Variants in PRIM2 observed in about 807,000 individuals in gnomAD.
PRIM2 encodes DNA primase subunit 2.
PRIM2 carries 39 observed loss-of-function variants against 67.3 expected under a neutral mutation model. The observed-to-expected ratio is 0.58, with a 90% CI of 0.45 to 0.76. The LOEUF is 0.76. Among genes scored for constraint, PRIM2 ranks in the 30% least tolerant of loss-of-function variants. PRIM2 has a pLI of 0.00. For missense variants in PRIM2, 398 were observed against 598.7 expected (o/e 0.66, Z 3.50); for synonymous variants, 143 against 198.7 (o/e 0.72, Z 2.36).
intron 5 of PRIM2, among the ~76,000 whole-genome samples, chr6:57,366,532 G>A (rs1769364274): frequency 6.6e-6 from 1 of 152,128 alleles, no homozygotes; most frequent in Admixed American, 6.5e-5. Flanking sequence ...CAGAAGTGGA[G>A]GGTGAGTGGG....
intron 8 of PRIM2, among the ~76,000 whole-genome samples, chr6:57,512,629 TG>T (rs1391458061): frequency 2.0e-5 from 3 of 152,158 alleles, no homozygotes; most frequent in Non-Finnish European, 4.4e-5. Flanking sequence ...AGTCTCACTC[TG>T]TCTGTCGCCC....
intron 7 of PRIM2, among the ~76,000 whole-genome samples, chr6:57,461,034 GGATGATAC>G (rs1328375482): frequency 2.0e-5 from 3 of 152,172 alleles, no homozygotes; most frequent in Non-Finnish European, 4.4e-5. Context: ...CTATATTTAA[GGATGATAC>G]GATCCATGAA....
the PRIM2 span, chr6:57,222,270 A>ACTCCC: frequency 6.6e-6 from 1 of 151,798 alleles, no homozygotes; most frequent in Non-Finnish European, 1.5e-5. Flanking sequence ...GGGAGTCTCG[A>ACTCCC]CTCCCCTCAT....
chr6:57,234,741 T>C, the PRIM2 span, among the ~76,000 whole-genome samples: 2,292 of 152,298 alleles, frequency 0.015, 60 homozygotes, highest in African/African-American at 0.052. Context: ...GCCAGGATGG[T>C]CTTGAACTCC....
chr6:57,397,896 ATTTTTTTTTT>A (rs35064816), intron 7 of PRIM2, among the ~76,000 whole-genome samples: 2 of 118,794 alleles, frequency 1.7e-5, no homozygotes. Flanking sequence ...GATCTTTCTA[ATTTTTTTTTT>A]TTTTTTTTGA....
chr6:57,545,433 A>G (rs1369671763), intron 10 of PRIM2, among the ~76,000 whole-genome samples: 2 of 152,196 alleles, frequency 1.3e-5, no homozygotes, highest in Non-Finnish European at 2.9e-5. Context: ...TATTTTATTT[A>G]TTATAATTAT....
intron 10 of PRIM2, among the ~76,000 whole-genome samples, chr6:57,583,008 A>T (rs1317931865): frequency 7.6e-6 from 1 of 132,296 alleles, no homozygotes; most frequent in Non-Finnish European, 1.6e-5. Context: ...TCATTGTTCA[A>T]TTCCCACCTA....
At chr6:57,342,896 C>G (rs62418112) in intron 5 of PRIM2, among the ~76,000 whole-genome samples, 1 of 152,182 alleles carries the variant, frequency 6.6e-6, no homozygotes, top group Non-Finnish European at 1.5e-5. Flanking sequence ...AGCCTGACAT[C>G]TAAAATTTGT....
At position 57,382,028 on chromosome 6, in the gene PRIM2, C is replaced by T. The variant is rs762017578; in HGVS notation, c.556-3C>T. ...TATTTTGCCTGTTTTACTCTTAATT[C>T]AGATCCCTTTTGCTGATGCTCTGGA... On this transcript the variant is annotated splice_region_variant and splice_polypyrimidine_tract_variant and intron_variant, in intron 6 of 13. Coordinates refer to ENST00000615550, the MANE Select transcript of PRIM2 (RefSeq NM_000947.5). 42 of 1,606,806 alleles carry T rather than the reference C, an allele frequency of 2.6e-5. No individual in the cohort carries two copies. Among genetic ancestry groups the T allele is most frequent in the Non-Finnish European group, 3.2e-5 (38 of 1,175,964 alleles).
intron 7 of PRIM2, among the ~76,000 whole-genome samples, chr6:57,423,219 T>C (rs1233208540): frequency 1.3e-5 from 2 of 152,196 alleles, no homozygotes; most frequent in Non-Finnish European, 2.9e-5. Context: ...AGTTTTTTTC[T>C]TTAATCAGAG....
intron 7 of PRIM2, among the ~76,000 whole-genome samples, chr6:57,507,108 G>C (rs1320414869): frequency 1.2e-4 from 18 of 151,852 alleles, no homozygotes; most frequent in Non-Finnish European, 2.1e-4. Context: ...GCTTTTTCAT[G>C]AACTCAGGAC....
the PRIM2 span, among the ~76,000 whole-genome samples, chr6:57,241,402 C>G: frequency 6.6e-6 from 1 of 151,418 alleles, no homozygotes; most frequent in South Asian, 2.1e-4. Context: ...GAGTGAGACC[C>G]TGTTTTAAAA....
intron 8 of PRIM2, among the ~76,000 whole-genome samples, chr6:57,527,623 C>T (rs1474458453): frequency 1.3e-5 from 2 of 152,228 alleles, no homozygotes; most frequent in South Asian, 2.1e-4. Flanking sequence ...TCAGTTCTTG[C>T]CTCACATCTT....
At chr6:57,432,569 G>C (rs1771873462) in intron 7 of PRIM2, among the ~76,000 whole-genome samples, 2 of 152,090 alleles carry the variant, frequency 1.3e-5, no homozygotes, top group Admixed American at 1.3e-4. Flanking sequence ...TGTTATTATG[G>C]CATTAAAATA....
chr6:57,325,397 C>A (rs1273900712), intron 4 of PRIM2, among the ~76,000 whole-genome samples: 1 of 150,628 alleles, frequency 6.6e-6, no homozygotes, highest in Non-Finnish European at 1.5e-5. Context: ...CATCCGTGGG[C>A]TCAGGTGATC....
At chr6:57,452,827 T>C (rs1220530203) in intron 7 of PRIM2, among the ~76,000 whole-genome samples, 2 of 152,244 alleles carry the variant, frequency 1.3e-5, no homozygotes, top group Admixed American at 1.3e-4. Context: ...CTGTTGCCAT[T>C]GCTTTTGGTG....
At chr6:57,609,060 T>G (rs1224766935) in intron 12 of PRIM2, among the ~76,000 whole-genome samples, 1 of 152,236 alleles carries the variant, frequency 6.6e-6, no homozygotes, top group Non-Finnish European at 1.5e-5. Context: ...CTTAACTTTC[T>G]GTCTCATAGT....
intron 10 of PRIM2, among the ~76,000 whole-genome samples, chr6:57,557,344 A>G (rs1775534352): frequency 1.3e-5 from 2 of 152,048 alleles, no homozygotes; most frequent in African/African-American, 4.8e-5. Context: ...ACTATTCACA[A>G]TAGCAAAGAC....
At chr6:57,533,128 T>C (rs1774927820) in intron 9 of PRIM2, among the ~76,000 whole-genome samples, 1 of 152,054 alleles carries the variant, frequency 6.6e-6, no homozygotes, top group Non-Finnish European at 1.5e-5. Flanking sequence ...GGACTTGATA[T>C]ATGAATTTCA....
Sources: gnomAD v4.1 joint callset for allele counts (sites outside exome capture counted in the v4.1 genomes callset) on GRCh38, gnomAD v4.1.1 for gene constraint, MANE v1.5 for transcripts, NCBI Gene and HGNC (gene_info 2026-07-23, HGNC 2026-07-21) for gene names.